Variants in EIF4G3 observed in about 807,000 individuals in gnomAD.
EIF4G3 encodes the protein eukaryotic translation initiation factor 4 gamma 3.
EIF4G3 carries 34 observed loss-of-function variants against 186.4 expected under a neutral mutation model. The observed-to-expected ratio is 0.18, with a 90% CI of 0.14 to 0.24. EIF4G3 has a LOEUF of 0.24. Ranked by LOEUF, EIF4G3 falls within the 10% of genes least tolerant of loss-of-function variation. EIF4G3 has a pLI of 1.00. For synonymous variants in EIF4G3, 673 were observed against 679.5 expected (o/e 0.99, Z 0.15); for missense variants, 1,536 against 1,948.5 (o/e 0.79, Z 3.99).
chr1:21,027,660 G>A (rs10916923), intron 4 of EIF4G3, among the ~76,000 whole-genome samples: 4,983 of 152,044 alleles, frequency 0.033, 272 homozygotes, highest in African/African-American at 0.11. Context: ...TAAAAGATGT[G>A]GAGAAAGTGG....
chr1:20,876,458 A>C (rs954437058), intron 20 of EIF4G3, among the ~76,000 whole-genome samples: 1 of 150,856 alleles, frequency 6.6e-6, no homozygotes, highest in African/African-American at 2.4e-5. Flanking sequence ...AAAAAAAAAA[A>C]AACAAACTGA....
At chr1:20,838,796 C>T (rs1286957319) in intron 30 of EIF4G3, among the ~76,000 whole-genome samples, 1 of 152,086 alleles carries the variant, frequency 6.6e-6, no homozygotes, top group Admixed American at 6.6e-5. Context: ...TCTGCCTCAA[C>T]CTCCCAAGTA....
intron 14 of EIF4G3, among the ~76,000 whole-genome samples, chr1:20,916,848 G>A (rs181240986): frequency 3.3e-5 from 5 of 152,334 alleles, no homozygotes; most frequent in Non-Finnish European, 5.9e-5. Flanking sequence ...GTACAAAGGA[G>A]ATTTAGCAGA....
At chr1:21,055,807 A>T (rs1271634814) in intron 3 of EIF4G3, among the ~76,000 whole-genome samples, 1 of 152,180 alleles carries the variant, frequency 6.6e-6, no homozygotes. Flanking sequence ...GTACACTAGT[A>T]TCAACAGAAA....
At chr1:20,888,504 C>T (rs942659972) in intron 18 of EIF4G3, among the ~76,000 whole-genome samples, 1 of 152,112 alleles carries the variant, frequency 6.6e-6, no homozygotes, top group African/African-American at 2.4e-5. Flanking sequence ...CATATTTACA[C>T]TCTGAGAATG....
At chr1:21,055,208 A>G (rs1266279896) in intron 3 of EIF4G3, among the ~76,000 whole-genome samples, 2 of 152,158 alleles carry the variant, frequency 1.3e-5, no homozygotes, top group Non-Finnish European at 2.9e-5. Context: ...CATGTTTTAG[A>G]ATTAATTATT....
intron 35 of EIF4G3, 34 bp downstream of exon 35, chr1:20,813,124 G>A: frequency 1.4e-6 from 2 of 1,425,638 alleles, no homozygotes; most frequent in Non-Finnish European, 2.0e-6. Flanking sequence ...GGGGATTTCA[G>A]ATGTTATGAG....
chr1:20,862,394 TAC>T (rs1437242797), intron 22 of EIF4G3, 62 bp from the exon 23 acceptor site: 22 of 1,016,672 alleles, frequency 2.2e-5, no homozygotes, highest in Non-Finnish European at 2.9e-5. Flanking sequence ...TTTACCAATT[TAC>T]AGTTATTTAT....
At chr1:20,942,440 G>C in intron 13 of EIF4G3, 110 bp from the exon 14 acceptor site, 1 of 1,088,596 alleles carries the variant, frequency 9.2e-7, no homozygotes. Context: ...ACAGAACAGA[G>C]ACCAATATAT....
At chr1:21,015,953 G>A (rs865915224) in intron 4 of EIF4G3, among the ~76,000 whole-genome samples, 1 of 152,016 alleles carries the variant, frequency 6.6e-6, no homozygotes, top group Non-Finnish European at 1.5e-5. Flanking sequence ...GAACTAGACA[G>A]TAACTAAAAA....
intron 34 of EIF4G3, among the ~76,000 whole-genome samples, chr1:20,816,060 GC>G (rs1376218668): frequency 1.8e-5 from 2 of 112,228 alleles, no homozygotes; most frequent in Non-Finnish European, 1.9e-5. Context: ...AGGGGGGTCA[GC>G]CCCCCGCCCG....
At chr1:20,920,278 T>C (rs1380061099) in intron 14 of EIF4G3, among the ~76,000 whole-genome samples, 1 of 152,244 alleles carries the variant, frequency 6.6e-6, no homozygotes, top group Non-Finnish European at 1.5e-5. Flanking sequence ...ATTTATGTTT[T>C]AAATCACATA....
intron 29 of EIF4G3, among the ~76,000 whole-genome samples, chr1:20,848,530 C>T (rs2072018417): frequency 6.6e-6 from 1 of 152,078 alleles, no homozygotes. Context: ...ATAGGGTTCA[C>T]AAGGTCAGGT....
chr1:20,807,751 TTC>T (rs1432532240), intron 36 of EIF4G3, among the ~76,000 whole-genome samples: 3 of 138,336 alleles, frequency 2.2e-5, no homozygotes, highest in South Asian at 4.5e-4. Flanking sequence ...TGAACTTTTT[TTC>T]TGTTTTTTTT....
At chr1:21,028,287 G>A (rs1336966155) in intron 4 of EIF4G3, among the ~76,000 whole-genome samples, 1 of 152,168 alleles carries the variant, frequency 6.6e-6, no homozygotes, top group Non-Finnish European at 1.5e-5. Context: ...TAAACTTTGT[G>A]CTATTTGCAT....
intron 31 of EIF4G3, 57 bp downstream of exon 31, chr1:20,829,090 A>G: frequency 6.3e-7 from 1 of 1,576,880 alleles, no homozygotes; most frequent in East Asian, 2.2e-5. Flanking sequence ...AGAGCTAGCA[A>G]GTGAGTTATT....
intron 2 of EIF4G3, among the ~76,000 whole-genome samples, chr1:21,103,353 C>T (rs988363381): frequency 1.4e-4 from 22 of 152,224 alleles, no homozygotes; most frequent in African/African-American, 4.8e-4. Flanking sequence ...AAAAGGAATC[C>T]TAAATCTTCC....
intron 2 of EIF4G3, among the ~76,000 whole-genome samples, chr1:21,104,848 G>A (rs181959272): frequency 7.2e-5 from 11 of 152,068 alleles, no homozygotes; most frequent in Non-Finnish European, 1.0e-4. Context: ...AGAAAATGTG[G>A]TATATATACA....
rs146747943 is a variant in EIF4G3 at position 21,056,934 on chromosome 1, T to C, written c.-195-5940A>G. On this transcript the variant is annotated intron_variant, in intron 3 of 36. Transcript: ENST00000602326. ...CAACCATTTCTTGTAGTGCAATATATGTTTGTGTGTACTGCTTATTGCATT... is the reference window on the plus strand; with the variant it reads ...CAACCATTTCTTGTAGTGCAATATACGTTTGTGTGTACTGCTTATTGCATT... 3.3e-3 allele frequency among the ~76,000 whole-genome samples: 501 copies of C among 152,364 alleles called. 3 individuals are homozygous for C. The highest frequency in any genetic ancestry group is 0.012 in the African/African-American group (483 of 41,580).
Sources: allele counts gnomAD v4.1 joint callset (sites outside exome capture counted in the v4.1 genomes callset), GRCh38; gene constraint gnomAD v4.1.1; transcripts MANE v1.5; gene names NCBI Gene and HGNC (gene_info 2026-07-23, HGNC 2026-07-21).